The following IL6ST variants were observed in gnomAD, a reference collection of about 807,000 sequenced individuals.
The protein encoded by IL6ST is interleukin-6 receptor subunit beta.
IL6ST carries 24 observed loss-of-function variants against 91.3 expected under a neutral mutation model. That is an observed-to-expected ratio of 0.26 (90% CI 0.19 to 0.37). IL6ST has a LOEUF of 0.37. IL6ST is among the 10% of genes least tolerant of loss of function. The pLI is 1.00. For synonymous variants in IL6ST, 351 were observed against 373.6 expected (o/e 0.94, Z 0.70); for missense variants, 914 against 1,078.5 (o/e 0.85, Z 2.14).
chr5:55,951,408 T>C (rs1317259814), intron 14 of IL6ST, 56 bp downstream of exon 14: 1 of 1,350,088 alleles, frequency 7.4e-7, no homozygotes, highest in Non-Finnish European at 1.0e-6. Context: ...ATAAACTAAG[T>C]TCATTTCTAA....
At chr5:55,979,585 C>T (rs534682174) in intron 2 of IL6ST, among the ~76,000 whole-genome samples, 3 of 152,266 alleles carry the variant, frequency 2.0e-5, no homozygotes, top group East Asian at 3.9e-4. Flanking sequence ...ACGAAAGTAT[C>T]GTCACACACT....
At chr5:55,984,714 C>G (rs1753857232) in intron 1 of IL6ST, among the ~76,000 whole-genome samples, 1 of 151,982 alleles carries the variant, frequency 6.6e-6, no homozygotes, top group African/African-American at 2.4e-5. Context: ...GTTTTGAGCT[C>G]TGGCATTTTG....
rs1753611293 is a variant in IL6ST at position 55,980,737 on chromosome 5, T to G, written c.-16+1987A>C. ...TAAAGACAAAATACTTAATGTGTAA[T>G]TTTTTTCTTCTAAATAAAACTATTA... On this transcript the variant is annotated intron_variant, in intron 2 of 16. Transcript: ENST00000381298. 2.0e-5 allele frequency among the ~76,000 whole-genome samples: 3 copies of G among 152,108 alleles called. No individual in the cohort carries two copies. The South Asian group carries it at 6.2e-4, about 32-fold the overall frequency.
chr5:55,956,076 C>A lies in IL6ST; in HGVS notation c.1216G>T (p.Val406Phe), dbSNP rs757341662. The A allele has an allele frequency of 5.6e-6, 9 of 1,613,642 alleles. No homozygotes were observed. The Admixed American group carries it at 1.5e-4, about 27-fold the overall frequency. ...YLATLTVRNL[V>F]GKSDAAVLTI... ...AAAACAGCTGCATCTGATTTGCCAACAAGATTTCTTACTGTTAGGGTTGCT... is the reference window on the plus strand; with the variant it reads ...AAAACAGCTGCATCTGATTTGCCAAAAAGATTTCTTACTGTTAGGGTTGCT... The change falls in exon 10 of 17, where the codon GTT becomes TTT. Residue 406 changes from valine to phenylalanine, a missense_variant. Coordinates refer to ENST00000381298, the MANE Select transcript of IL6ST (RefSeq NM_002184.4).
In IL6ST at chr5:55,977,629, G is replaced by C. The variant is rs530058325; in HGVS notation, c.-15-1336C>G. On this transcript the variant is annotated intron_variant, in intron 2 of 16. Coordinates refer to ENST00000381298, the MANE Select transcript of IL6ST (RefSeq NM_002184.4). The stretch of plus-strand genomic sequence containing the variant: ...TCACTTGAGGTCAGGAGTTCGAGAC[G>C]AGCCTGGCCAACATGGTGAAACCCC... 8.5e-5 allele frequency among the ~76,000 whole-genome samples: 13 copies of C among 152,082 alleles called. No homozygotes were observed. The East Asian group carries it at 2.1e-3, about 25-fold the overall frequency.
At position 55,954,847 on chromosome 5, in the gene IL6ST, T is replaced by C; in HGVS notation, c.1413A>G (p.Gln471=). The part of the protein sequence containing the change: ...SDKAPCITDW[Q]QEDGTVHRTY... The stretch of plus-strand genomic sequence containing the variant: ...TGCGATGCACGGTACCATCTTCTTG[T>C]TGCCAGTCTGTGATACAGGGTGCTT... Residue 471 remains glutamine, a synonymous_variant, in exon 11 of 17, where the codon CAA becomes CAG. Coordinates refer to ENST00000381298, the MANE Select transcript of IL6ST (RefSeq NM_002184.4). The C allele has an allele frequency of 1.2e-6, 2 of 1,612,886 alleles. No homozygotes were observed. The highest frequency in any genetic ancestry group is 1.7e-6 in the Non-Finnish European group (2 of 1,179,534).
chr5:55,981,060 T>C (rs951098427), intron 2 of IL6ST, among the ~76,000 whole-genome samples: 3 of 152,144 alleles, frequency 2.0e-5, no homozygotes, highest in Non-Finnish European at 4.4e-5. Flanking sequence ...ACAAAGCTGC[T>C]CCAGAACAAG....
Position 55,989,154 on chromosome 5 carries a change from C to CAA in IL6ST, c.-104+5629_-104+5630insTT, listed in dbSNP as rs143228668. ...TGTCTCAAAAAAAAAAAAAGTCTCGCAGAAAAAAAAAAAAAGGGCAGTCTA... is the reference window on the plus strand; with the variant it reads ...TGTCTCAAAAAAAAAAAAAGTCTCGCAAAGAAAAAAAAAAAAAGGGCAGTCTA... On this transcript the variant is annotated intron_variant, in intron 1 of 16. Transcript: ENST00000381298. 5.0e-4 allele frequency among the ~76,000 whole-genome samples: 58 copies of CAA among 115,556 alleles called. 3 individuals carry two copies. The highest frequency in any genetic ancestry group is 1.8e-3 in the African/African-American group (53 of 29,544). The allele number at this position is 115,556 out of a possible 152,430, so 75.8% of individuals were successfully genotyped here. A position where few individuals can be genotyped will look rare whatever the true frequency, so the allele number is the denominator to read the frequency against.
intron 2 of IL6ST, among the ~76,000 whole-genome samples, chr5:55,978,669 G>C (rs1486994506): frequency 6.6e-6 from 1 of 152,220 alleles, no homozygotes; most frequent in African/African-American, 2.4e-5. Flanking sequence ...AGGCTGCAGT[G>C]AGCCGAGGTC....
intron 15 of IL6ST, among the ~76,000 whole-genome samples, chr5:55,945,212 G>A (rs1751171613): frequency 6.6e-6 from 1 of 151,932 alleles, no homozygotes; most frequent in Admixed American, 6.6e-5. Context: ...TTTAAAAAAA[G>A]AACACACTGG....
rs201141621 is a variant in IL6ST, at chr5:55,947,564, G to C, written c.1866C>G (p.Val622=). The change falls in exon 15 of 17, where the codon GTC becomes GTG. Residue 622 remains valine, a synonymous_variant. Transcript: ENST00000381298. ...ATAGGAATGCTAAGCAAACAGGCACGACTATGGCTTCAATTTCTCCTTGAG... is the reference window on the plus strand; with the variant it reads ...ATAGGAATGCTAAGCAAACAGGCACCACTATGGCTTCAATTTCTCCTTGAG... ...KFAQGEIEAI[V]VPVCLAFLLT... is the part of the protein sequence containing the mutation. 1.7e-6 allele frequency: 2 copies of C among 1,160,488 alleles called. No individual in the cohort carries two copies. Among genetic ancestry groups the C allele is most frequent in the African/African-American group, 3.9e-5 (2 of 51,890 alleles). 71.9% of individuals were successfully genotyped at this position (1,160,488 alleles called of 1,614,324 possible). A position where few individuals can be genotyped will look rare whatever the true frequency, so the allele number is the denominator to read the frequency against.
chr5:55,955,423 G>C (rs1045319331), intron 10 of IL6ST, among the ~76,000 whole-genome samples: 2 of 152,242 alleles, frequency 1.3e-5, no homozygotes, highest in African/African-American at 4.8e-5. Flanking sequence ...CTCCAGCCTA[G>C]GCGACAGAGC....
chr5:55,992,354 T>C lies in IL6ST; in HGVS notation c.-104+2430A>G, dbSNP rs142702826. 4.5e-3 allele frequency among the ~76,000 whole-genome samples: 681 copies of C among 152,326 alleles called. 4 individuals carry two copies. The highest frequency in any genetic ancestry group is 0.015 in the African/African-American group (637 of 41,570). ...CTGTATGGAGACGCAGGATGTATCA[T>C]GGTTAAGAGGTCAGATTCTGAAGCC... On this transcript the variant is annotated intron_variant, in intron 1 of 16. Transcript: ENST00000381298.
At chr5:55,964,463 A>G in intron 5 of IL6ST, 151 bp from the exon 6 acceptor site, 1 of 535,922 alleles carries the variant, frequency 1.9e-6, no homozygotes, top group South Asian at 2.8e-5. Context: ...TTTCTTAAAA[A>G]TAAACCTTTC....
At chr5:55,993,642 T>C (rs914315606) in intron 1 of IL6ST, among the ~76,000 whole-genome samples, 17 of 152,214 alleles carry the variant, frequency 1.1e-4, no homozygotes, top group Non-Finnish European at 1.6e-4. Context: ...TTCTCCTTCC[T>C]GTAATTTTTT....
At chr5:55,981,302 A>C (rs1464351985) in intron 2 of IL6ST, among the ~76,000 whole-genome samples, 1 of 152,172 alleles carries the variant, frequency 6.6e-6, no homozygotes, top group Non-Finnish European at 1.5e-5. Flanking sequence ...ACACTATATA[A>C]AATATTATAT....
chr5:55,960,561 T>C lies in IL6ST; in HGVS notation c.814A>G (p.Ile272Val), dbSNP rs1232956568. 1.9e-6 allele frequency: 3 copies of C among 1,608,368 alleles called. No individual in the cohort carries two copies. In the South Asian group the frequency reaches 3.3e-5, roughly 18 times the overall value. ...GTGGATGCTGTGTCTTCAGGAGGAA[T>C]CTGAAACAAAGCAAACCAAACAACA... ...RTKDASTWSQ[I>V]PPEDTASTRS... Residue 272 changes from isoleucine (I) to valine (V), a missense_variant and splice_region_variant, in exon 8 of 17, where the codon ATT (isoleucine) becomes GTT (valine). Physicochemically the swap from Ile to Val is conservative, Grantham distance 29. Coordinates refer to ENST00000381298, the MANE Select transcript of IL6ST (RefSeq NM_002184.4).
chr5:55,972,542 A>G lies in IL6ST; in HGVS notation c.65-2687T>C, dbSNP rs182681322. On this transcript the variant is annotated intron_variant, in intron 3 of 16. Transcript: ENST00000381298. ...AAAAGGGGCAAATGTTCCGTTTTTC[A>G]AAGTGAGACACAGCTTCAATAATAC... Among the ~76,000 whole-genome samples the G allele has an allele frequency of 3.3e-5, 5 of 152,236 alleles. No homozygotes were observed. In the East Asian group the frequency reaches 9.6e-4, roughly 29 times the overall value.
chr5:55,986,947 T>C (rs1169538323), intron 1 of IL6ST, among the ~76,000 whole-genome samples: 1 of 152,206 alleles, frequency 6.6e-6, no homozygotes. Context: ...GGAGGATCAC[T>C]TAAGCCCAGA....
Sources: allele counts gnomAD v4.1 joint callset (sites outside exome capture counted in the v4.1 genomes callset), GRCh38; gene constraint gnomAD v4.1.1; transcripts MANE v1.5; gene names NCBI Gene and HGNC (gene_info 2026-07-23, HGNC 2026-07-21).